The following TMEM9B variants were observed in gnomAD, a reference collection of about 807,000 sequenced individuals.
TMEM9B encodes TMEM9 domain family member B.
TMEM9B carries 8 observed loss-of-function variants against 23.5 expected under a neutral mutation model. The observed-to-expected ratio is 0.34, with a 90% CI of 0.20 to 0.61. TMEM9B has a LOEUF of 0.61. Ranked by LOEUF, TMEM9B falls within the 20% of genes least tolerant of loss-of-function variation. The probability of loss-of-function intolerance (pLI) is 0.78; values close to 1 mark genes in which losing one functional copy is unlikely to be tolerated. For synonymous variants in TMEM9B, 106 were observed against 96.3 expected (o/e 1.10, Z -0.59); for missense variants, 197 against 252.3 (o/e 0.78, Z 1.49).
chr11:8,956,039 C>T (rs1184010582), intron 3 of TMEM9B, 151 bp downstream of exon 3: 27 of 596,376 alleles, frequency 4.5e-5, no homozygotes, highest in Non-Finnish European at 7.8e-5. Context: ...CTAACTAATC[C>T]ACAAACCATG....
chr11:8,948,618 G>A, intron 4 of TMEM9B, 143 bp from the exon 5 acceptor site: 1 of 896,166 alleles, frequency 1.1e-6, no homozygotes, highest in East Asian at 2.7e-5. Context: ...GCACTCCTAA[G>A]CGCTCAACTA....
At chr11:8,964,540 T>C (rs1854163091), upstream of TMEM9B, 1 of 1,306,220 alleles carries the variant, frequency 7.7e-7, no homozygotes, top group East Asian at 2.9e-5. Context: ...TGGGCAGTCC[T>C]GGTGCCCGCC....
intron 3 of TMEM9B, 148 bp from the exon 4 acceptor site, chr11:8,953,485 C>T (rs1023273887): frequency 1.2e-6 from 1 of 814,314 alleles, no homozygotes; most frequent in African/African-American, 1.8e-5. Context: ...AAACTCAACT[C>T]TTCACCAAAG....
At chr11:8,951,635 G>C (rs1025596022) in intron 4 of TMEM9B, among the ~76,000 whole-genome samples, 3 of 151,730 alleles carry the variant, frequency 2.0e-5, no homozygotes, top group African/African-American at 7.3e-5. Flanking sequence ...GCGGGCGCCT[G>C]TAGTTCCAGC....
chr11:8,956,510 A>AT (rs1299715725), intron 2 of TMEM9B, among the ~76,000 whole-genome samples: 1 of 152,156 alleles, frequency 6.6e-6, no homozygotes, highest in Non-Finnish European at 1.5e-5. Flanking sequence ...AAAGTCACAC[A>AT]TATAGTAGTG....
chr11:8,951,176 TTTGTG>T (rs1853867783), intron 4 of TMEM9B, among the ~76,000 whole-genome samples: 1 of 152,330 alleles, frequency 6.6e-6, no homozygotes, highest in African/African-American at 2.4e-5. Context: ...TCTCTTATGT[TTTGTG>T]TTATTATATT....
At chr11:8,949,440 G>C (rs559054279) in intron 4 of TMEM9B, among the ~76,000 whole-genome samples, 41 of 152,126 alleles carry the variant, frequency 2.7e-4, no homozygotes, top group Non-Finnish European at 1.5e-4. Context: ...CTTGAACCCC[G>C]TGTTAGCAAA....
intron 4 of TMEM9B, chr11:8,952,915 T>A (rs752891764): frequency 8.9e-6 from 5 of 563,882 alleles, no homozygotes; most frequent in Non-Finnish European, 1.6e-5. Context: ...CTGATACTTT[T>A]CTCAATGTAA....
intron 1 of TMEM9B, among the ~76,000 whole-genome samples, chr11:8,963,264 A>G (rs567828906): frequency 6.6e-6 from 1 of 152,344 alleles, no homozygotes; most frequent in African/African-American, 2.4e-5. Context: ...TCTCTGAATC[A>G]AAAACATTTG....
chr11:8,962,314 T>G, intron 1 of TMEM9B, 131 bp from the exon 2 acceptor site: 2 of 594,818 alleles, frequency 3.4e-6, no homozygotes. Flanking sequence ...CATTTAAAAC[T>G]TTAACAGACA....
intron 4 of TMEM9B, among the ~76,000 whole-genome samples, chr11:8,948,841 C>G (rs922166498): frequency 6.6e-6 from 1 of 152,176 alleles, no homozygotes; most frequent in Non-Finnish European, 1.5e-5. Flanking sequence ...GTTAACATCT[C>G]TCCATGTTAT....
chr11:8,960,920 G>A (rs899859943), intron 2 of TMEM9B, among the ~76,000 whole-genome samples: 1 of 151,738 alleles, frequency 6.6e-6, no homozygotes, highest in Non-Finnish European at 1.5e-5. Context: ...CCTGACCTCA[G>A]GTGATCCGCC....
At position 8,957,899 on chromosome 11, in the gene TMEM9B, G is replaced by GT. The variant is rs1854002154; in HGVS notation, c.198-1602dup. ...CAGCCGGGCGCAGTGGCTCATGCCT[G>GT]TAATCCCAGCACTTTGGGAGGCCGA... On this transcript the variant is annotated intron_variant, in intron 2 of 4. Coordinates refer to ENST00000534025, the MANE Select transcript of TMEM9B (RefSeq NM_020644.3). This position sits in a 1 kb window ranked among gnomAD's most constrained non-coding sequence, Gnocchi z 4.3. 6.6e-6 allele frequency among the ~76,000 whole-genome samples: 1 copy of GT among 152,218 alleles called. No homozygotes were observed. Among genetic ancestry groups the GT allele is most frequent in the African/African-American group, 2.4e-5 (1 of 41,460 alleles).
At chr11:8,952,965 G>A (rs1485618532) in intron 4 of TMEM9B, 4 of 593,050 alleles carry the variant, frequency 6.7e-6, no homozygotes, top group Non-Finnish European at 1.2e-5. Context: ...GGTACTGAAA[G>A]CAAGGCCCTG....
upstream of TMEM9B, chr11:8,964,468 C>T (rs755896144): frequency 6.8e-5 from 97 of 1,422,752 alleles, no homozygotes; most frequent in Middle Eastern, 7.5e-4. Context: ...ACCGGGCGCG[C>T]CGGGTCAGAT....
intron 3 of TMEM9B, among the ~76,000 whole-genome samples, chr11:8,954,037 C>T (rs1853929275): frequency 1.3e-5 from 2 of 152,166 alleles, no homozygotes; most frequent in Admixed American, 1.3e-4. Context: ...CTGATAAATG[C>T]ATATTCATAT....
At chr11:8,953,506 GA>G (rs3833779) in intron 3 of TMEM9B, among the ~76,000 whole-genome samples, 169 bp from the exon 4 acceptor site, 90,238 of 151,960 alleles carry the variant, frequency 0.59, 27,165 homozygotes, top group East Asian at 0.77. Context: ...TATTATTTAA[GA>G]AAAAAAGAGG....
chr11:8,948,517 A>AT, intron 4 of TMEM9B, 42 bp from the exon 5 acceptor site: 1 of 1,594,162 alleles, frequency 6.3e-7, no homozygotes, highest in Non-Finnish European at 8.6e-7. Flanking sequence ...TGGCACAGTC[A>AT]GTGTAAAACA....
intron 2 of TMEM9B, among the ~76,000 whole-genome samples, chr11:8,960,716 C>T (rs141280696): frequency 1.3e-5 from 2 of 150,538 alleles, no homozygotes; most frequent in African/African-American, 4.9e-5. Flanking sequence ...GGGTCTCGCT[C>T]TGTCACCCAG....
Sources: allele counts gnomAD v4.1 joint callset (sites outside exome capture counted in the v4.1 genomes callset), GRCh38; gene constraint gnomAD v4.1.1; non-coding constraint Gnocchi (gnomAD v3.1); transcripts MANE v1.5; gene names NCBI Gene and HGNC (gene_info 2026-07-23, HGNC 2026-07-21).